The following SFRP1 variants were observed in gnomAD, a reference collection of about 807,000 sequenced individuals.
SFRP1 encodes secreted frizzled related protein 1.
Under a neutral mutation model 25.9 loss-of-function variants are expected in SFRP1, and 9 were observed. That is an observed-to-expected ratio of 0.35 (90% CI 0.21 to 0.61). The LOEUF is 0.61. SFRP1 is among the 20% of genes least tolerant of loss of function. The probability of loss-of-function intolerance (pLI) is 0.78; values close to 1 mark genes in which losing one functional copy is unlikely to be tolerated. For missense variants in SFRP1, 346 were observed against 418.2 expected, an observed-to-expected ratio of 0.83 and a Z score of 1.51; for synonymous variants, 178 against 174.0, an observed-to-expected ratio of 1.02 and a Z score of -0.18.
intron 2 of SFRP1, among the ~76,000 whole-genome samples, chr8:41,291,713 C>T (rs1313272859): frequency 6.6e-6 from 1 of 152,140 alleles, no homozygotes; most frequent in Non-Finnish European, 1.5e-5. Context: ...GGACACTCAC[C>T]AGCGCGGAGC....
intron 2 of SFRP1, among the ~76,000 whole-genome samples, chr8:41,273,492 C>G (rs1355215524): frequency 6.6e-6 from 1 of 151,806 alleles, no homozygotes; most frequent in East Asian, 1.9e-4. Flanking sequence ...AAAAAAAAGG[C>G]ATTATTAATG....
intron 1 of SFRP1, among the ~76,000 whole-genome samples, chr8:41,308,334 C>T (rs1257628570): frequency 1.3e-5 from 2 of 152,242 alleles, no homozygotes; most frequent in Admixed American, 6.5e-5. Flanking sequence ...CCAGGAAGAG[C>T]GGCTCCGGGG....
At chr8:41,266,165 C>CA (rs796630725) in intron 2 of SFRP1, among the ~76,000 whole-genome samples, 2,841 of 144,550 alleles carry the variant, frequency 0.02, 81 homozygotes, top group African/African-American at 0.063. Flanking sequence ...GACTCCATCT[C>CA]AAAAAAAAAA....
At chr8:41,269,312 G>T (rs1313075393) in intron 2 of SFRP1, among the ~76,000 whole-genome samples, 1 of 152,038 alleles carries the variant, frequency 6.6e-6, no homozygotes, top group Non-Finnish European at 1.5e-5. Context: ...TCCAAGGGTA[G>T]GACATGACTC....
rs1309191371 is a variant in SFRP1, at chr8:41,303,050, G to GT, written c.622+410dup. Among the ~76,000 whole-genome samples, 9 of 103,944 alleles carry GT rather than the reference G, an allele frequency of 8.7e-5. No individual in the cohort carries two copies. The East Asian group carries it at 3.1e-3, about 36-fold the overall frequency. 68.2% of individuals were successfully genotyped at this position (103,944 alleles called of 152,430 possible). On this transcript the variant is annotated intron_variant, in intron 2 of 2. Transcript: ENST00000220772. The stretch of plus-strand genomic sequence containing the variant: ...GTCATGCTGACACCTAGGGGTAGAT[G>GT]TTAAAAAAAAAAAAAAAAAAAAAGA...
intron 2 of SFRP1, among the ~76,000 whole-genome samples, chr8:41,268,516 C>G (rs1285156166): frequency 7.9e-4 from 120 of 152,132 alleles, no homozygotes; most frequent in Non-Finnish European, 2.9e-5. Context: ...GGGGGAGCAG[C>G]CAGGGAGGAG....
At chr8:41,306,823 C>T (rs904816456) in intron 1 of SFRP1, 13 of 1,597,898 alleles carry the variant, frequency 8.1e-6, no homozygotes, top group Non-Finnish European at 1.1e-5. Flanking sequence ...AAAAGGTGTC[C>T]GGAAGACAGC....
At chr8:41,279,474 T>C (rs1803608713) in intron 2 of SFRP1, among the ~76,000 whole-genome samples, 1 of 152,142 alleles carries the variant, frequency 6.6e-6, no homozygotes, top group Non-Finnish European at 1.5e-5. Context: ...AGAACCTTTC[T>C]GTCCCAGAAA....
chr8:41,293,366 A>AGG (rs1451519288), intron 2 of SFRP1, among the ~76,000 whole-genome samples: 3 of 152,244 alleles, frequency 2.0e-5, no homozygotes, highest in African/African-American at 7.2e-5. Context: ...GCTGTGGGCC[A>AGG]GGGCTAAGCA....
At chr8:41,292,409 A>G (rs987554017) in intron 2 of SFRP1, among the ~76,000 whole-genome samples, 1 of 152,104 alleles carries the variant, frequency 6.6e-6, no homozygotes, top group African/African-American at 2.4e-5. Context: ...ATGGTTTTAT[A>G]AGGGGATCTT....
At chr8:41,268,709 T>C (rs931523391) in intron 2 of SFRP1, among the ~76,000 whole-genome samples, 8 of 152,176 alleles carry the variant, frequency 5.3e-5, no homozygotes, top group African/African-American at 1.9e-4. Context: ...GTTGAAAAGA[T>C]CATGAGCTGT....
At chr8:41,302,470 C>G (rs1803935329) in intron 2 of SFRP1, among the ~76,000 whole-genome samples, 1 of 152,228 alleles carries the variant, frequency 6.6e-6, no homozygotes, top group East Asian at 1.9e-4. Context: ...AATGGACTCA[C>G]ATCACCTATC....
At chr8:41,281,723 G>A (rs987198327) in intron 2 of SFRP1, among the ~76,000 whole-genome samples, 1 of 152,214 alleles carries the variant, frequency 6.6e-6, no homozygotes. Context: ...AACCTGAGGA[G>A]CTGCAATGCT....
At chr8:41,276,714 A>C (rs190328761) in intron 2 of SFRP1, among the ~76,000 whole-genome samples, 137 of 152,352 alleles carry the variant, frequency 9.0e-4, no homozygotes, top group Middle Eastern at 3.4e-3. Context: ...AAAACAAAGC[A>C]AAACAAACAA....
chr8:41,282,031 G>A (rs1253775620), intron 2 of SFRP1, among the ~76,000 whole-genome samples: 2 of 152,182 alleles, frequency 1.3e-5, no homozygotes, highest in Non-Finnish European at 2.9e-5. Context: ...CAGGGCCAAG[G>A]GCGCAAAAGG....
chr8:41,297,616 C>T (rs1803859760), intron 2 of SFRP1, among the ~76,000 whole-genome samples: 1 of 152,042 alleles, frequency 6.6e-6, no homozygotes, highest in African/African-American at 2.4e-5. Flanking sequence ...TCCAATTCTC[C>T]CAACACAGTC....
At position 41,265,404 on chromosome 8, in the gene SFRP1, C is replaced by T. The variant is rs201145524; in HGVS notation, c.708G>A (p.Gly236=). 10 of 1,613,810 alleles carry T rather than the reference C, an allele frequency of 6.2e-6. No homozygotes were observed. The highest frequency in any genetic ancestry group is 2.2e-5 in the East Asian group (1 of 44,866). The part of the protein sequence containing the change: ...VPKKKKPLKL[G]PIKKKDLKKL... ...TCTTCAGGTCCTTCTTCTTGATGGGCCCCAACTTCAGGGGCTTCTTCTTCT... is the reference window on the plus strand; with the variant it reads ...TCTTCAGGTCCTTCTTCTTGATGGGTCCCAACTTCAGGGGCTTCTTCTTCT... The change falls in exon 3 of 3, where the codon GGG becomes GGA. Residue 236 remains glycine (G), a synonymous_variant. Coordinates refer to ENST00000220772, the MANE Select transcript of SFRP1 (RefSeq NM_003012.5).
chr8:41,278,176 C>A (rs367556671), intron 2 of SFRP1, among the ~76,000 whole-genome samples: 1 of 152,130 alleles, frequency 6.6e-6, no homozygotes, highest in African/African-American at 2.4e-5. Context: ...CAAGACACAG[C>A]GGAGTAGGGC....
chr8:41,308,385 G>T (rs2117525659), intron 1 of SFRP1, among the ~76,000 whole-genome samples: 1 of 152,340 alleles, frequency 6.6e-6, no homozygotes, highest in South Asian at 2.1e-4. Context: ...CAGAGCTGCC[G>T]CTCCCGGGCC....
Sources: allele counts gnomAD v4.1 joint callset (sites outside exome capture counted in the v4.1 genomes callset), GRCh38; gene constraint gnomAD v4.1.1; transcripts MANE v1.5; gene names NCBI Gene and HGNC (gene_info 2026-07-23, HGNC 2026-07-21).